Variants in PCDHGB1 observed in about 807,000 individuals in gnomAD.
The protein encoded by PCDHGB1 is protocadherin gamma subfamily B, 1, also known as protocadherin gamma-B1.
A neutral mutation model predicts 56.6 loss-of-function variants in PCDHGB1; 34 were observed. The observed-to-expected ratio is 0.60, with a 90% confidence interval of 0.46 to 0.80. PCDHGB1 has a LOEUF of 0.80. PCDHGB1 is among the 30% of genes least tolerant of loss of function. The pLI, the probability that PCDHGB1 is intolerant of heterozygous loss-of-function variation, is 0.00. For missense variants in PCDHGB1, 1,278 were observed against 1,204.6 expected (o/e 1.06, Z -0.90); for synonymous variants, 561 against 505.9 (o/e 1.11, Z -1.46).
In PCDHGB1 at chr5:141,511,161, G is replaced by A; in HGVS notation, c.2772G>A (p.Lys924=). 1 of 1,614,176 alleles carries A rather than the reference G, an allele frequency of 6.2e-7. No individual in the cohort carries two copies. The highest frequency in any genetic ancestry group is 8.5e-7 in the Non-Finnish European group (1 of 1,180,010). ...GNGNKKKSGK[K]EKK ...GCAACAAGAAGAAGTCGGGCAAGAA[G>A]GAGAAGAAGTAACATGGAGGCCAGG... Residue 924 remains lysine, a synonymous_variant, in exon 4 of 4, where the codon AAG becomes AAA. Transcript: ENST00000523390.
intron 1 of PCDHGB1, chr5:141,427,690 T>TC (rs1331581287): frequency 2.3e-6 from 2 of 881,240 alleles, no homozygotes; most frequent in Non-Finnish European, 3.7e-6. Context: ...GGAGCCTCCA[T>TC]CCCACAAGTC....
intron 1 of PCDHGB1, chr5:141,356,138 G>A (rs753493345): frequency 6.2e-7 from 1 of 1,613,698 alleles, no homozygotes; most frequent in South Asian, 1.1e-5. Flanking sequence ...GAGGACTCTG[G>A]ATTCTATGAC....
At chr5:141,398,604 T>C (rs2093677345) in intron 1 of PCDHGB1, 1 of 1,613,930 alleles carries the variant, frequency 6.2e-7, no homozygotes, top group South Asian at 1.1e-5. Flanking sequence ...TAGCAGAAGA[T>C]GCAGATATTG....
At chr5:141,423,674 C>T (rs57195665) in intron 1 of PCDHGB1, 3 of 1,514,742 alleles carry the variant, frequency 2.0e-6, no homozygotes, top group African/African-American at 1.5e-5. Context: ...AGATTTATTT[C>T]TCTGCCTCCT....
At chr5:141,362,707 GT>G in intron 1 of PCDHGB1, 1 of 974,024 alleles carries the variant, frequency 1.0e-6, no homozygotes, top group Non-Finnish European at 1.5e-6. Flanking sequence ...AATTTTAAGT[GT>G]TTTCTCTCTG....
chr5:141,409,818 C>T (rs1027344375), intron 1 of PCDHGB1: 2 of 1,610,918 alleles, frequency 1.2e-6, no homozygotes, highest in Non-Finnish European at 1.7e-6. Context: ...GACCACGGCT[C>T]GCCCACGCTC....
At chr5:141,394,740 G>C in intron 1 of PCDHGB1, 2 of 1,613,404 alleles carry the variant, frequency 1.2e-6, no homozygotes, top group Non-Finnish European at 1.7e-6. Context: ...GCAGAGCCTC[G>C]TGGTGGCCGT....
chr5:141,404,325 C>G (rs762306578), intron 1 of PCDHGB1: 7 of 1,613,876 alleles, frequency 4.3e-6, no homozygotes, highest in Non-Finnish European at 5.9e-6. Flanking sequence ...GCCTCCTACT[C>G]AGTCTACCTC....
intron 1 of PCDHGB1, chr5:141,419,517 G>A: frequency 6.2e-7 from 1 of 1,612,224 alleles, no homozygotes; most frequent in South Asian, 1.1e-5. Context: ...GTGTTGGTGG[G>A]CGACCGTAAC....
intron 1 of PCDHGB1, chr5:141,414,449 C>T (rs1223779483): frequency 6.2e-7 from 1 of 1,613,730 alleles, no homozygotes; most frequent in Non-Finnish European, 8.5e-7. Context: ...TACAATATCA[C>T]AGTGACAGCC....
chr5:141,400,236 G>C (rs1195592972), intron 1 of PCDHGB1: 6 of 1,613,868 alleles, frequency 3.7e-6, no homozygotes, highest in African/African-American at 1.3e-5. Flanking sequence ...TCCTGGCCGT[G>C]ATTCTGGCCG....
In PCDHGB1 at chr5:141,458,391, C is replaced by G. The variant is rs534396279; in HGVS notation, c.2410-36416C>G. 5.9e-5 allele frequency among the ~76,000 whole-genome samples: 9 copies of G among 152,126 alleles called. No homozygotes were observed. In the South Asian group the frequency reaches 1.0e-3, roughly 18 times the overall value. ...GGAGAAGAGAGAAGGAAGACGCTCCCCCTTGCAGAGACGGAGCGGGGGTTC... is the reference window on the plus strand; with the variant it reads ...GGAGAAGAGAGAAGGAAGACGCTCCGCCTTGCAGAGACGGAGCGGGGGTTC... On this transcript the variant is annotated intron_variant, in intron 1 of 3. Coordinates refer to ENST00000523390, the MANE Select transcript of PCDHGB1 (RefSeq NM_018922.3).
chr5:141,487,068 T>C lies in PCDHGB1; in HGVS notation c.2410-7739T>C. ...TATGCTGGGGAGGTGCGGACGGCTG[T>C]TCCTATCCCAGCTGACCTCCCACCA... On this transcript the variant is annotated intron_variant, in intron 1 of 3. Transcript: ENST00000523390. The surrounding 1 kb of genome is among the most constrained non-coding windows in gnomAD (Gnocchi z 5.0). The C allele has an allele frequency of 6.2e-7, 1 of 1,614,166 alleles. No individual in the cohort carries two copies. The highest frequency in any genetic ancestry group is 8.5e-7 in the Non-Finnish European group (1 of 1,180,016).
intron 1 of PCDHGB1, chr5:141,390,193 A>G (rs1189352664): frequency 6.2e-7 from 1 of 1,614,060 alleles, no homozygotes; most frequent in African/African-American, 1.3e-5. Context: ...TGTAGTGAGC[A>G]GTTGAGTTCA....
rs751349784 is a variant in PCDHGB1, at chr5:141,352,365, C to A, written c.2105C>A (p.Ala702Glu). The change falls in exon 1 of 4, where the codon GCG becomes GAG. Residue 702 changes from alanine to glutamate, a missense_variant. Physicochemically the swap from Ala to Glu is moderately radical, Grantham distance 107. Coordinates refer to ENST00000523390, the MANE Select transcript of PCDHGB1 (RefSeq NM_018922.3). ...LALISVLFLL[A>E]VILAIALRLR... ...TTGATCTCAGTGCTCTTTCTCCTCGCGGTGATTCTAGCGATCGCCCTGCGC... is the reference window on the plus strand; with the variant it reads ...TTGATCTCAGTGCTCTTTCTCCTCGAGGTGATTCTAGCGATCGCCCTGCGC... The A allele has an allele frequency of 3.1e-6, 5 of 1,613,928 alleles. No individual in the cohort carries two copies. The African/African-American group carries it at 4.0e-5, about 13-fold the overall frequency.
At chr5:141,357,307 G>T in intron 1 of PCDHGB1, 4 of 1,614,042 alleles carry the variant, frequency 2.5e-6, no homozygotes, top group Non-Finnish European at 3.4e-6. Flanking sequence ...TGTCTCCTGC[G>T]TCTTCCTGGC....
intron 1 of PCDHGB1, among the ~76,000 whole-genome samples, chr5:141,465,360 C>T (rs1238387777): frequency 6.6e-6 from 1 of 151,940 alleles, no homozygotes; most frequent in Non-Finnish European, 1.5e-5. Context: ...AAAATGGGTG[C>T]CCTTTAAAGT....
intron 1 of PCDHGB1, chr5:141,403,027 G>C: frequency 1.2e-6 from 2 of 1,614,070 alleles, no homozygotes; most frequent in Non-Finnish European, 1.7e-6. Flanking sequence ...TGCTATGGGA[G>C]GCCAGGGCCA....
intron 1 of PCDHGB1, chr5:141,427,278 A>G (rs981860450): frequency 2.2e-6 from 1 of 456,706 alleles, no homozygotes; most frequent in Non-Finnish European, 4.4e-6. Context: ...ATGTAAAATT[A>G]TACTAGAAAT....
Sources: allele counts gnomAD v4.1 joint callset (sites outside exome capture counted in the v4.1 genomes callset), GRCh38; gene constraint gnomAD v4.1.1; non-coding constraint Gnocchi (gnomAD v3.1); transcripts MANE v1.5; gene names NCBI Gene and HGNC (gene_info 2026-07-23, HGNC 2026-07-21).